CALN1: variants seen among roughly 807,000 people sequenced by gnomAD.
The protein encoded by CALN1 is calneuron 1, also known as calcium-binding protein 8.
Under a neutral mutation model 30.6 loss-of-function variants are expected in CALN1, and 17 were observed. The observed-to-expected ratio is 0.56, with a 90% CI of 0.38 to 0.83. CALN1 has a LOEUF of 0.83. Among genes scored for constraint, CALN1 ranks in the 40% least tolerant of loss-of-function variants. The pLI, the probability that CALN1 is intolerant of heterozygous loss-of-function variation, is 0.00. For missense variants in CALN1, 291 were observed against 354.9 expected (o/e 0.82, Z 1.45); for synonymous variants, 156 against 131.4 (o/e 1.19, Z -1.28).
At chr7:71,801,376 T>TTATGTATGTATGTATG (rs575924113) in intron 6 of CALN1, among the ~76,000 whole-genome samples, 3 of 121,568 alleles carry the variant, frequency 2.5e-5, no homozygotes, top group Non-Finnish European at 3.4e-5. Flanking sequence ...CCATGCCTGG[T>TTATGTATGTATGTATG]TATGTATGTA....
intron 1 of CALN1, among the ~76,000 whole-genome samples, chr7:72,444,463 A>G (rs1808458306): frequency 6.6e-6 from 1 of 152,222 alleles, no homozygotes; most frequent in African/African-American, 2.4e-5. Context: ...TTAGTCATTA[A>G]AAACCACCTA....
chr7:72,408,600 G>A (rs912622419), intron 1 of CALN1, among the ~76,000 whole-genome samples: 4 of 149,972 alleles, frequency 2.7e-5, no homozygotes, highest in South Asian at 2.1e-4. Context: ...GGATACAAGT[G>A]CAATTTTGTT....
At chr7:72,135,835 A>C (rs1024038974) in intron 3 of CALN1, among the ~76,000 whole-genome samples, 2 of 152,092 alleles carry the variant, frequency 1.3e-5, no homozygotes, top group Admixed American at 6.5e-5. Context: ...TCTTATTCCA[A>C]TAGAAGGTTG....
chr7:72,147,227 A>G (rs528065459), intron 3 of CALN1, among the ~76,000 whole-genome samples: 2 of 152,308 alleles, frequency 1.3e-5, no homozygotes, highest in South Asian at 4.2e-4. Context: ...CATCTGACAA[A>G]GGGCTAATAT....
chr7:71,967,780 C>G (rs1481937572), intron 5 of CALN1, among the ~76,000 whole-genome samples: 1 of 151,898 alleles, frequency 6.6e-6, no homozygotes, highest in Non-Finnish European at 1.5e-5. Flanking sequence ...AAAGAATTTA[C>G]TAAAGTAAAT....
At chr7:72,466,676 G>A in the CALN1 span, among the ~76,000 whole-genome samples, 1 of 151,890 alleles carries the variant, frequency 6.6e-6, no homozygotes, top group Non-Finnish European at 1.5e-5. Flanking sequence ...CCAGGAGGCG[G>A]AGTTTGCAGT....
At position 72,357,411 on chromosome 7, in the gene CALN1, T is replaced by C. The variant is rs897215527; in HGVS notation, c.119+45840A>G. Among the ~76,000 whole-genome samples the C allele has an allele frequency of 3.6e-4, 55 of 151,978 alleles. 1 individual carries two copies. The highest frequency in any genetic ancestry group is 1.2e-3 in the African/African-American group (51 of 41,228). ...ATGTTAATGAGTCCCAGCTTTTTTA[T>C]GGTGAAACAAAGGGATTCGATTGGA... On this transcript the variant is annotated intron_variant, in intron 2 of 6. Coordinates refer to ENST00000395275, the MANE Select transcript of CALN1 (RefSeq NM_031468.4).
chr7:72,205,551 A>AAAATATACATATAT, intron 3 of CALN1, among the ~76,000 whole-genome samples: 1 of 83,052 alleles, frequency 1.2e-5, no homozygotes, highest in Admixed American at 1.4e-4. Context: ...GCAAAAAAAA[A>AAAATATACATATAT]ATATATATAT....
At chr7:72,323,936 C>T (rs1585487851) in intron 2 of CALN1, among the ~76,000 whole-genome samples, 1 of 151,518 alleles carries the variant, frequency 6.6e-6, no homozygotes, top group African/African-American at 2.4e-5. Context: ...CCCAGCTACT[C>T]GGGAGGCTGA....
At chr7:71,997,859 C>T (rs1007819031) in intron 5 of CALN1, among the ~76,000 whole-genome samples, 1 of 152,064 alleles carries the variant, frequency 6.6e-6, no homozygotes, top group Admixed American at 6.6e-5. Flanking sequence ...TCGCTCTTGT[C>T]CCCCTGGCTG....
At chr7:72,290,860 C>T (rs1798429783) in intron 2 of CALN1, among the ~76,000 whole-genome samples, 1 of 151,940 alleles carries the variant, frequency 6.6e-6, no homozygotes, top group Non-Finnish European at 1.5e-5. Flanking sequence ...TATAAACACA[C>T]CTCTTATTTT....
chr7:72,389,370 T>C (rs1351130343), intron 2 of CALN1, among the ~76,000 whole-genome samples: 1 of 152,194 alleles, frequency 6.6e-6, no homozygotes, highest in Non-Finnish European at 1.5e-5. Context: ...ATCCTCAAAA[T>C]TAAGCCTTAA....
intron 5 of CALN1, among the ~76,000 whole-genome samples, chr7:71,991,047 G>GA (rs1400226379): frequency 7.0e-6 from 1 of 143,164 alleles, no homozygotes; most frequent in Non-Finnish European, 1.5e-5. Context: ...ATGAAACAGT[G>GA]AGGGGGGGGG....
chr7:72,292,148 A>G (rs1399363652), intron 2 of CALN1, among the ~76,000 whole-genome samples: 1 of 152,046 alleles, frequency 6.6e-6, no homozygotes, highest in Non-Finnish European at 1.5e-5. Flanking sequence ...AATGGCAAAA[A>G]TCGCAATTAC....
chr7:72,498,730 C>T, the CALN1 span, among the ~76,000 whole-genome samples: 1,084 of 152,110 alleles, frequency 7.1e-3, 14 homozygotes, highest in African/African-American at 0.023. Flanking sequence ...AGGAATACTA[C>T]AAGTTATTAA....
chr7:72,013,039 C>T (rs1204298354), intron 5 of CALN1, among the ~76,000 whole-genome samples: 1 of 152,016 alleles, frequency 6.6e-6, no homozygotes, highest in African/African-American at 2.4e-5. Context: ...CTCAGGTGAT[C>T]CACCTGCCTC....
At chr7:72,051,352 T>C (rs1406485811) in intron 4 of CALN1, among the ~76,000 whole-genome samples, 1 of 152,156 alleles carries the variant, frequency 6.6e-6, no homozygotes, top group African/African-American at 2.4e-5. Context: ...AAAGCTAATC[T>C]ATTTCAAATT....
At chr7:72,227,314 C>A (rs1475216683) in intron 3 of CALN1, among the ~76,000 whole-genome samples, 1 of 150,602 alleles carries the variant, frequency 6.6e-6, no homozygotes, top group Non-Finnish European at 1.5e-5. Context: ...CCAAGGTAAG[C>A]AGATAACTAA....
intron 5 of CALN1, among the ~76,000 whole-genome samples, chr7:71,887,965 T>C (rs757758427): frequency 6.6e-6 from 1 of 152,066 alleles, no homozygotes; most frequent in Non-Finnish European, 1.5e-5. Flanking sequence ...CCCGCGGAGT[T>C]TGACATGTCT....
Sources: gnomAD v4.1 joint callset for allele counts (sites outside exome capture counted in the v4.1 genomes callset) on GRCh38, gnomAD v4.1.1 for gene constraint, MANE v1.5 for transcripts, NCBI Gene and HGNC (gene_info 2026-07-23, HGNC 2026-07-21) for gene names.